Variants in GIMAP5 observed in about 807,000 individuals in gnomAD.
GIMAP5 encodes GTPase IMAP family member 5.
In GIMAP5, 8 loss-of-function variants were observed where a neutral mutation model predicts 9.9. The observed-to-expected ratio is 0.81, with a 90% confidence interval of 0.47 to 1.45. The LOEUF (loss-of-function observed/expected upper bound fraction) is 1.45. Ranked by LOEUF, GIMAP5 falls within the 40% of genes most tolerant of loss-of-function variation. The pLI, the probability that GIMAP5 is intolerant of heterozygous loss-of-function variation, is 0.00. For missense variants in GIMAP5, 353 were observed against 367.4 expected (o/e 0.96, Z 0.32); for synonymous variants, 174 against 151.4 (o/e 1.15, Z -1.09).
At position 150,743,561 on chromosome 7, in the gene GIMAP5, G is replaced by C. The variant is rs6598; in HGVS notation, c.*498G>C. ...GCATTTCCAGTTGTATTAGCCAATA[G>C]ATTTCCTACTTATTTAAGCTATTTG... On this transcript the variant is annotated 3_prime_UTR_variant, in exon 3 of 3. Transcript: ENST00000358647. 1 of 153,772 alleles carries C rather than the reference G, an allele frequency of 6.5e-6. No individual in the cohort carries two copies. The highest frequency in any genetic ancestry group is 1.4e-5 in the Non-Finnish European group (1 of 69,286). 9.5% of individuals were successfully genotyped at this position (153,772 alleles called of 1,614,324 possible).
Position 150,742,665 on chromosome 7 carries a change from C to G in GIMAP5, c.526C>G (p.Leu176Val). 3 of 1,614,220 alleles carry G rather than the reference C, an allele frequency of 1.9e-6. No homozygotes were observed. The highest frequency in any genetic ancestry group is 2.2e-5 in the South Asian group (2 of 91,090). ...ANTDNCSLKD[L>V]VRECERRYCA... ...CACGGACAACTGCAGCCTGAAAGAC[C>G]TGGTGCGGGAGTGTGAGAGAAGGTA... Residue 176 changes from leucine to valine, a missense_variant, in exon 3 of 3, where the codon CTG (leucine) becomes GTG (valine). Coordinates refer to ENST00000358647, the MANE Select transcript of GIMAP5 (RefSeq NM_018384.5).
chr7:150,738,000 G>T (rs2116571526), intron 1 of GIMAP5: 1 of 463,698 alleles, frequency 2.2e-6, no homozygotes, highest in East Asian at 4.2e-5. Flanking sequence ...AACTCTCAGG[G>T]AGTAAGGCTG....
rs72650696 is a variant in GIMAP5 at position 150,742,856 on chromosome 7, G to A, written c.717G>A (p.Gln239=). 1 of 1,614,178 alleles carries A rather than the reference G, an allele frequency of 6.2e-7. No homozygotes were observed. The highest frequency in any genetic ancestry group is 8.5e-7 in the Non-Finnish European group (1 of 1,180,028). ...LLQRTGAGAC[Q]EDYRQYQAKV... ...AAAGAACTGGAGCTGGGGCCTGCCA[G>A]GAAGACTACAGGCAGTACCAGGCCA... Residue 239 remains glutamine, a synonymous_variant, in exon 3 of 3, where the codon CAG becomes CAA. Coordinates refer to ENST00000358647, the MANE Select transcript of GIMAP5 (RefSeq NM_018384.5).
chr7:150,737,777 G>C, intron 1 of GIMAP5, 69 bp downstream of exon 1: 1 of 1,293,754 alleles, frequency 7.7e-7, no homozygotes, highest in South Asian at 1.3e-5. Context: ...GGTCACAGCT[G>C]TTCATTTCTG....
chr7:150,743,310 G>A lies in GIMAP5; in HGVS notation c.*247G>A, dbSNP rs372121893. 149 of 478,270 alleles carry A rather than the reference G, an allele frequency of 3.1e-4. 2 individuals carry two copies. In the South Asian group the frequency reaches 3.7e-3, roughly 12 times the overall value. 29.6% of individuals were successfully genotyped at this position (478,270 alleles called of 1,614,324 possible). ...TTCAGGAATGGGCCTGAGATCCCATGCAGGTCCCTGAGAAGTGAGTAAAAG... is the reference window on the plus strand; with the variant it reads ...TTCAGGAATGGGCCTGAGATCCCATACAGGTCCCTGAGAAGTGAGTAAAAG... On this transcript the variant is annotated 3_prime_UTR_variant, in exon 3 of 3. Coordinates refer to ENST00000358647, the MANE Select transcript of GIMAP5 (RefSeq NM_018384.5).
Position 150,743,410 on chromosome 7 carries a change from G to A in GIMAP5, c.*347G>A, listed in dbSNP as rs750979731. 1.7e-5 allele frequency: 4 copies of A among 235,638 alleles called. No homozygotes were observed. Among genetic ancestry groups the A allele is most frequent in the East Asian group, 1.0e-4 (1 of 9,526 alleles). 14.6% of individuals were successfully genotyped at this position (235,638 alleles called of 1,614,324 possible). On this transcript the variant is annotated 3_prime_UTR_variant, in exon 3 of 3. Transcript: ENST00000358647. ...CTCCCTGGCATTGTGGGGTCTGGGC[G>A]TGACACTGGGACTCTCAGCAGCTTT...
intron 1 of GIMAP5, chr7:150,739,323 A>T (rs1194775304): frequency 2.0e-5 from 3 of 149,428 alleles, no homozygotes; most frequent in Non-Finnish European, 4.5e-5. Context: ...TGCTAGCTCC[A>T]TTGTAAATAT....
chr7:150,740,774 C>A, intron 1 of GIMAP5, 105 bp from the exon 2 acceptor site: 2 of 1,081,312 alleles, frequency 1.8e-6, no homozygotes, highest in Non-Finnish European at 2.8e-6. Context: ...GGAAATGGCT[C>A]ATTTGAGAAT....
At position 150,742,522 on chromosome 7, in the gene GIMAP5, CAG is replaced by C; in HGVS notation, c.384_385del (p.Val129GlyfsTer34). Reference sequence around the variant, plus strand: ...CTGGGGCGTTTCACTGCTCAGGACACAGTGGCCATCAGGAAGGTGAAAGAGGT... The same window carrying C: ...CTGGGGCGTTTCACTGCTCAGGACACTGGCCATCAGGAAGGTGAAAGAGGT... On this transcript the variant is annotated frameshift_variant, in exon 3 of 3. Coordinates refer to ENST00000358647, the MANE Select transcript of GIMAP5 (RefSeq NM_018384.5). LOFTEE classifies it high-confidence loss of function. The C allele has an allele frequency of 6.2e-7, 1 of 1,614,174 alleles. No individual in the cohort carries two copies. The highest frequency in any genetic ancestry group is 8.5e-7 in the Non-Finnish European group (1 of 1,180,030).
rs768232449 is a variant in GIMAP5, at chr7:150,743,076, T to C, written c.*13T>C. 3 of 1,596,668 alleles carry C rather than the reference T, an allele frequency of 1.9e-6. No individual in the cohort carries two copies. The highest frequency in any genetic ancestry group is 3.4e-5 in the Admixed American group (2 of 58,800). On this transcript the variant is annotated 3_prime_UTR_variant, in exon 3 of 3. Coordinates refer to ENST00000358647, the MANE Select transcript of GIMAP5 (RefSeq NM_018384.5). ...TCATTACATTTAAATCTCTGGACCC[T>C]GGAGCACTTCTAATGTATCACCCCA...
intron 1 of GIMAP5, 147 bp downstream of exon 1, chr7:150,737,855 G>A (rs1038387791): frequency 1.5e-6 from 1 of 655,944 alleles, no homozygotes; most frequent in African/African-American, 1.8e-5. Flanking sequence ...ATGGTGATGA[G>A]TGTTGCGGGC....
intron 2 of GIMAP5, 106 bp downstream of exon 2, chr7:150,741,033 T>A: frequency 1.6e-6 from 2 of 1,232,146 alleles, no homozygotes; most frequent in Non-Finnish European, 2.3e-6. Context: ...CCATTCATTT[T>A]AAATGAAGAA....
intron 1 of GIMAP5, chr7:150,737,927 A>C: frequency 1.7e-6 from 1 of 586,272 alleles, no homozygotes; most frequent in Non-Finnish European, 3.0e-6. Context: ...CTCACAGCCC[A>C]GTCCCAGGAC....
In GIMAP5 at chr7:150,737,653, C is replaced by T. The variant is rs753268922; in HGVS notation, c.-62C>T. The T allele has an allele frequency of 1.8e-5, 28 of 1,535,686 alleles. No individual in the cohort carries two copies. Among genetic ancestry groups the T allele is most frequent in the Middle Eastern group, 1.7e-4 (1 of 5,990 alleles). On this transcript the variant is annotated 5_prime_UTR_variant, in exon 1 of 3. Transcript: ENST00000358647. ...CTTCACCTTCCTGAGAGAGGACCAG[C>T]GGCCAGAGCCTCAGTGACTGCCACC...
In GIMAP5 at chr7:150,742,496, G is replaced by C. The variant is rs753052223; in HGVS notation, c.357G>C (p.Gln119His). The change falls in exon 3 of 3, where the codon CAG becomes CAC. Residue 119 changes from glutamine to histidine, a missense_variant. Coordinates refer to ENST00000358647, the MANE Select transcript of GIMAP5 (RefSeq NM_018384.5). ...PGPHVLLLVI[Q>H]LGRFTAQDTV... The stretch of plus-strand genomic sequence containing the variant: ...CCCACGTCCTGCTTCTGGTGATCCA[G>C]CTGGGGCGTTTCACTGCTCAGGACA... The C allele has an allele frequency of 5.0e-6, 8 of 1,614,196 alleles. No homozygotes were observed. In the Admixed American group the frequency reaches 1.3e-4, roughly 27 times the overall value.
intron 1 of GIMAP5, chr7:150,739,543 C>T (rs1024550458): frequency 1.3e-5 from 2 of 152,192 alleles, no homozygotes; most frequent in African/African-American, 4.8e-5. Flanking sequence ...TTGACCCTTA[C>T]CACATCATTA....
At chr7:150,739,739 G>C (rs1797567317) in intron 1 of GIMAP5, 1 of 152,000 alleles carries the variant, frequency 6.6e-6, no homozygotes, top group Non-Finnish European at 1.5e-5. Flanking sequence ...AAAGAGGAAA[G>C]GAGGAAGAAA....
chr7:150,740,854 T>TA, intron 1 of GIMAP5, 25 bp from the exon 2 acceptor site: 1 of 1,613,794 alleles, frequency 6.2e-7, no homozygotes, highest in East Asian at 2.2e-5. Context: ...ATCTGCTTTT[T>TA]ATCCTTTTCC....
Position 150,743,100 on chromosome 7 carries a change from C to G in GIMAP5, c.*37C>G, listed in dbSNP as rs149701235. 98 of 1,563,312 alleles carry G rather than the reference C, an allele frequency of 6.3e-5. No individual in the cohort carries two copies. The East Asian group carries it at 2.2e-3, about 35-fold the overall frequency. ...CTGGAGCACTTCTAATGTATCACCC[C>G]ATGGAGTCATTGTTCTAATAATCAC... On this transcript the variant is annotated 3_prime_UTR_variant, in exon 3 of 3. Transcript: ENST00000358647.
Sources: allele counts gnomAD v4.1 joint callset, GRCh38; gene constraint gnomAD v4.1.1; transcripts MANE v1.5; gene names NCBI Gene and HGNC (gene_info 2026-07-23, HGNC 2026-07-21).